Variants in SUZ12 observed in about 807,000 individuals in gnomAD.
SUZ12 encodes the protein polycomb protein SUZ12.
SUZ12 carries 17 observed loss-of-function variants against 87.3 expected under a neutral mutation model. The ratio of observed to expected loss-of-function variants is 0.19; its 90% CI spans 0.13 to 0.29. The LOEUF (loss-of-function observed/expected upper bound fraction) is 0.29. Ranked by LOEUF, SUZ12 falls within the 10% of genes least tolerant of loss-of-function variation. SUZ12 has a pLI of 1.00. For synonymous variants in SUZ12, 253 were observed against 312.4 expected, an observed-to-expected ratio of 0.81 and a Z score of 2.01; for missense variants, 526 against 912.2, an observed-to-expected ratio of 0.58 and a Z score of 5.45.
At chr17:31,951,808 A>G (rs1202391983) in intron 4 of SUZ12, among the ~76,000 whole-genome samples, 2 of 116,112 alleles carry the variant, frequency 1.7e-5, no homozygotes, top group Middle Eastern at 8.2e-3. Flanking sequence ...AGAGTCTCAC[A>G]TTGTCGCCCA....
Position 31,938,188 on chromosome 17 carries a change from A to T in SUZ12, c.274+668A>T, listed in dbSNP as rs530634999. ...ATTTCTGTTTCTAAGTTCTGTCTGG[A>T]AGGTGAAACTGACTTATTTGGAAAG... On this transcript the variant is annotated intron_variant, in intron 1 of 15. Transcript: ENST00000322652. Among the ~76,000 whole-genome samples the T allele has an allele frequency of 9.2e-5, 14 of 152,262 alleles. No homozygotes were observed. The South Asian group carries it at 1.4e-3, about 16-fold the overall frequency.
At chr17:31,982,453 A>T (rs1320506508) in intron 8 of SUZ12, among the ~76,000 whole-genome samples, 1 of 152,146 alleles carries the variant, frequency 6.6e-6, no homozygotes, top group East Asian at 1.9e-4. Context: ...CGAGGGCAGG[A>T]GTTTAAGACC....
intron 1 of SUZ12, among the ~76,000 whole-genome samples, chr17:31,939,817 C>T (rs1255962055): frequency 2.0e-5 from 3 of 152,134 alleles, no homozygotes; most frequent in Admixed American, 6.6e-5. Context: ...TGAGCCACTG[C>T]GCCTGGCCGG....
chr17:31,944,508 G>T (rs1337759023), intron 3 of SUZ12, among the ~76,000 whole-genome samples: 1 of 152,020 alleles, frequency 6.6e-6, no homozygotes, highest in East Asian at 1.9e-4. Context: ...TGTTTCTGTT[G>T]TCCGCATGGG....
rs1373753232 is a variant in SUZ12, at chr17:31,988,961, A to G, written c.1201+464A>G. ...GTGGCGGGCACCTGTAGTCCCAGCT[A>G]CTTGGGAGGCTGAGGCATGAGAATG... On this transcript the variant is annotated intron_variant, in intron 10 of 15. Transcript: ENST00000322652. Among the ~76,000 whole-genome samples the G allele has an allele frequency of 7.9e-5, 12 of 151,746 alleles. No homozygotes were observed. The East Asian group carries it at 2.4e-3, about 30-fold the overall frequency.
intron 1 of SUZ12, among the ~76,000 whole-genome samples, chr17:31,939,288 A>C (rs1004085500): frequency 3.9e-5 from 6 of 151,994 alleles, no homozygotes; most frequent in South Asian, 2.1e-4. Flanking sequence ...CTGACTTTTG[A>C]GTGCAGTGGA....
intron 14 of SUZ12, among the ~76,000 whole-genome samples, chr17:31,995,992 T>C (rs1425773748): frequency 6.6e-6 from 1 of 152,066 alleles, no homozygotes; most frequent in African/African-American, 2.4e-5. Context: ...GCGCATTGCC[T>C]GAGTTCAGGA....
In SUZ12 at chr17:31,994,706, A is replaced by G; in HGVS notation, c.1580A>G (p.His527Arg). 3 of 1,613,688 alleles carry G rather than the reference A, an allele frequency of 1.9e-6. No homozygotes were observed. The highest frequency in any genetic ancestry group is 2.5e-6 in the Non-Finnish European group (3 of 1,179,864). ...NGPVKRTPIT[H>R]ILVCRPKRTK... ...CCAGTTAAGAGAACACCTATCACAC[A>G]TATTCTTGTGTGCAGGTAGGTAAAA... Residue 527 changes from histidine to arginine, a missense_variant, in exon 13 of 16, where the codon CAT (histidine) becomes CGT (arginine). His to Arg is a conservative substitution (Grantham distance 29). Coordinates refer to ENST00000322652, the MANE Select transcript of SUZ12 (RefSeq NM_015355.4).
At chr17:31,962,946 T>C (rs1162440088) in intron 4 of SUZ12, among the ~76,000 whole-genome samples, 1 of 152,264 alleles carries the variant, frequency 6.6e-6, no homozygotes, top group East Asian at 1.9e-4. Context: ...AATGTGAGAA[T>C]TGTAGAATAT....
intron 1 of SUZ12, 148 bp from the exon 2 acceptor site, chr17:31,940,138 T>C (rs1213799685): frequency 1.6e-6 from 2 of 1,264,512 alleles, no homozygotes; most frequent in Non-Finnish European, 2.1e-6. Context: ...TGTGCATACT[T>C]TCTTGATGTA....
intron 5 of SUZ12, among the ~76,000 whole-genome samples, chr17:31,971,286 C>T (rs190943678): frequency 3.9e-5 from 6 of 152,070 alleles, no homozygotes; most frequent in Admixed American, 3.9e-4. Context: ...GTTTAGTTGT[C>T]TCTGTGCATT....
chr17:31,944,379 C>G lies in SUZ12; in HGVS notation c.387-3238C>G, dbSNP rs553343675. 3.3e-5 allele frequency among the ~76,000 whole-genome samples: 5 copies of G among 152,052 alleles called. No homozygotes were observed. The South Asian group carries it at 1.0e-3, about 32-fold the overall frequency. On this transcript the variant is annotated intron_variant, in intron 3 of 15. Coordinates refer to ENST00000322652, the MANE Select transcript of SUZ12 (RefSeq NM_015355.4). ...CCGACCTCAGGTGATCTGCCCACCTCGGACTCCCAAAGTGCTGGGATTACA... is the reference window on the plus strand; with the variant it reads ...CCGACCTCAGGTGATCTGCCCACCTGGGACTCCCAAAGTGCTGGGATTACA...
At chr17:31,954,450 G>C (rs73988495) in intron 4 of SUZ12, among the ~76,000 whole-genome samples, 2,681 of 152,070 alleles carry the variant, frequency 0.018, 77 homozygotes, top group African/African-American at 0.06. Flanking sequence ...TTTACAATAA[G>C]AAGGCCTGCA....
chr17:31,950,144 A>G (rs1906876370), intron 4 of SUZ12, among the ~76,000 whole-genome samples: 1 of 151,798 alleles, frequency 6.6e-6, no homozygotes, highest in Non-Finnish European at 1.5e-5. Flanking sequence ...CCGGCATCAC[A>G]CCGAACTAAT....
intron 8 of SUZ12, among the ~76,000 whole-genome samples, chr17:31,977,881 T>A (rs1369381837): frequency 6.6e-6 from 1 of 152,132 alleles, no homozygotes; most frequent in East Asian, 1.9e-4. Flanking sequence ...AGAGCAAGAC[T>A]CTTGTCTTAA....
chr17:31,969,313 T>C (rs1191328610), intron 5 of SUZ12, among the ~76,000 whole-genome samples: 2 of 152,212 alleles, frequency 1.3e-5, no homozygotes, highest in East Asian at 3.9e-4. Context: ...GCCCCGCTAA[T>C]TTTTTGTATT....
intron 15 of SUZ12, 77 bp downstream of exon 15, chr17:31,996,954 A>G (rs1910006360): frequency 7.9e-6 from 7 of 884,902 alleles, no homozygotes; most frequent in Non-Finnish European, 1.1e-5. Flanking sequence ...TAGAAATCTT[A>G]CGTGTGTTAG....
At chr17:31,982,347 A>T (rs1174522806) in intron 8 of SUZ12, among the ~76,000 whole-genome samples, 1 of 152,080 alleles carries the variant, frequency 6.6e-6, no homozygotes, top group African/African-American at 2.4e-5. Context: ...TGTTTGTAAC[A>T]CTATTATCCT....
intron 8 of SUZ12, among the ~76,000 whole-genome samples, chr17:31,978,363 C>T (rs1908880507): frequency 6.6e-6 from 1 of 152,064 alleles, no homozygotes; most frequent in South Asian, 2.1e-4. Flanking sequence ...CACCTGCTAC[C>T]ATGCCCAGCT....
Sources: allele counts gnomAD v4.1 joint callset (sites outside exome capture counted in the v4.1 genomes callset), GRCh38; gene constraint gnomAD v4.1.1; transcripts MANE v1.5; gene names NCBI Gene and HGNC (gene_info 2026-07-23, HGNC 2026-07-21).